ADCY10: variants seen among roughly 807,000 people sequenced by gnomAD.
ADCY10 encodes adenylate cyclase type 10.
A neutral mutation model predicts 183.3 loss-of-function variants in ADCY10; 156 were observed. The ratio of observed to expected loss-of-function variants is 0.85; its 90% CI spans 0.75 to 0.97. The LOEUF is 0.97. ADCY10 is among the 50% of genes least tolerant of loss of function. ADCY10 has a pLI of 0.00. For missense variants in ADCY10, 1,745 were observed against 1,934.3 expected (o/e 0.90, Z 1.84); for synonymous variants, 645 against 670.0 (o/e 0.96, Z 0.58).
chr1:167,858,497 CAAAAAAAAAAAA>C (rs57443879), intron 16 of ADCY10, among the ~76,000 whole-genome samples: 1 of 70,318 alleles, frequency 1.4e-5, no homozygotes, highest in Non-Finnish European at 2.6e-5. Context: ...GACTCTGTCT[CAAAAAAAAAAAA>C]AAAAAAAAAA....
chr1:167,846,686 C>G (rs1299154303), intron 19 of ADCY10, among the ~76,000 whole-genome samples: 1 of 152,184 alleles, frequency 6.6e-6, no homozygotes, highest in Non-Finnish European at 1.5e-5. Context: ...CTCCTAGAAA[C>G]TCCTGGTTTC....
At chr1:167,876,044 G>A (rs1171174035) in intron 12 of ADCY10, among the ~76,000 whole-genome samples, 2 of 152,250 alleles carry the variant, frequency 1.3e-5, no homozygotes, top group Non-Finnish European at 2.9e-5. Flanking sequence ...ATCATCTGAG[G>A]TCAGGAGTTT....
At chr1:167,872,507 A>C (rs867674218) in intron 13 of ADCY10, among the ~76,000 whole-genome samples, 28 of 151,996 alleles carry the variant, frequency 1.8e-4, no homozygotes, top group African/African-American at 6.5e-4. Context: ...AAATGCATGC[A>C]CCTTGTTTCT....
At chr1:167,893,236 T>C (rs1454737573) in intron 8 of ADCY10, among the ~76,000 whole-genome samples, 1 of 152,224 alleles carries the variant, frequency 6.6e-6, no homozygotes, top group Non-Finnish European at 1.5e-5. Flanking sequence ...GTCTTTCTGC[T>C]ATGTGGCATA....
chr1:167,866,459 T>C (rs1226468866), intron 14 of ADCY10, among the ~76,000 whole-genome samples: 2 of 148,602 alleles, frequency 1.3e-5, no homozygotes, highest in East Asian at 2.0e-4. Context: ...TTTTCATGAG[T>C]TGAAAGAAAA....
rs1273937558 is a variant in ADCY10, at chr1:167,896,583, G to A, written c.739+12C>T. On this transcript the variant is annotated intron_variant, in intron 7 of 32. Coordinates refer to ENST00000367851, the MANE Select transcript of ADCY10 (RefSeq NM_018417.6). ...GTAGAGGCAAAGGCATTTTTCCATG[G>A]TGGGTACTTACTTTTGTGCTCACCA... The A allele has an allele frequency of 3.1e-6, 5 of 1,595,602 alleles. No homozygotes were observed. Among genetic ancestry groups the A allele is most frequent in the Non-Finnish European group, 3.4e-6 (4 of 1,163,436 alleles).
At chr1:167,902,546 T>C (rs1259637696) in intron 3 of ADCY10, among the ~76,000 whole-genome samples, 3 of 152,254 alleles carry the variant, frequency 2.0e-5, no homozygotes, top group African/African-American at 7.2e-5. Context: ...CGGTATGGCA[T>C]AAATGGCCAT....
At chr1:167,846,463 C>T (rs1665035725) in intron 19 of ADCY10, among the ~76,000 whole-genome samples, 200 bp from the exon 20 acceptor site, 1 of 152,164 alleles carries the variant, frequency 6.6e-6, no homozygotes, top group South Asian at 2.1e-4. Context: ...AAGATGCAGG[C>T]TTATGGCCTA....
intron 1 of ADCY10, among the ~76,000 whole-genome samples, chr1:167,911,664 G>A (rs919318133): frequency 3.9e-5 from 6 of 152,264 alleles, no homozygotes; most frequent in East Asian, 1.9e-4. Flanking sequence ...GTGTACTCTC[G>A]TGGCAAAACT....
intron 1 of ADCY10, among the ~76,000 whole-genome samples, chr1:167,909,887 G>A (rs1432338554): frequency 6.6e-6 from 1 of 152,158 alleles, no homozygotes; most frequent in Non-Finnish European, 1.5e-5. Context: ...GGAAGTAAAA[G>A]CTGAAAAACA....
At chr1:167,816,121 T>C (rs1463269235) in intron 31 of ADCY10, among the ~76,000 whole-genome samples, 2 of 151,656 alleles carry the variant, frequency 1.3e-5, no homozygotes, top group East Asian at 3.9e-4. Flanking sequence ...CAAGAAAGAC[T>C]GAAATGTTTT....
At chr1:167,878,657 C>A in intron 11 of ADCY10, 22 bp from the exon 12 acceptor site, 1 of 1,609,758 alleles carries the variant, frequency 6.2e-7, no homozygotes, top group South Asian at 1.1e-5. Flanking sequence ...AAGAGAAAGT[C>A]AAAGATCAGG....
At chr1:167,907,258 C>T (rs1227495252) in intron 1 of ADCY10, among the ~76,000 whole-genome samples, 1 of 152,212 alleles carries the variant, frequency 6.6e-6, no homozygotes, top group Non-Finnish European at 1.5e-5. Context: ...CCAGAAAACA[C>T]AGACCAGTAA....
chr1:167,849,835 G>A (rs1378808345), intron 18 of ADCY10, among the ~76,000 whole-genome samples: 1 of 152,184 alleles, frequency 6.6e-6, no homozygotes, highest in East Asian at 1.9e-4. Flanking sequence ...AGCGGCAAGT[G>A]GAGGAGAGGC....
intron 14 of ADCY10, among the ~76,000 whole-genome samples, chr1:167,863,705 G>A (rs552527881): frequency 1.3e-5 from 2 of 152,366 alleles, no homozygotes; most frequent in South Asian, 4.1e-4. Flanking sequence ...GATCCTGAGA[G>A]CTCTCCTGGG....
intron 8 of ADCY10, among the ~76,000 whole-genome samples, chr1:167,886,058 A>G (rs1305349665): frequency 6.6e-6 from 1 of 152,236 alleles, no homozygotes; most frequent in Non-Finnish European, 1.5e-5. Context: ...GGACACAAAC[A>G]AATGGAAGAA....
intron 31 of ADCY10, among the ~76,000 whole-genome samples, chr1:167,813,189 T>TAC (rs1016980505): frequency 6.6e-6 from 1 of 152,100 alleles, no homozygotes; most frequent in African/African-American, 2.4e-5. Flanking sequence ...CTTAAAGAGA[T>TAC]ACACACTGAG....
At chr1:167,887,196 G>T (rs927156846) in intron 8 of ADCY10, among the ~76,000 whole-genome samples, 1 of 152,142 alleles carries the variant, frequency 6.6e-6, no homozygotes, top group Admixed American at 6.6e-5. Flanking sequence ...CCATTACTGG[G>T]TATGTACCCA....
chr1:167,863,786 T>G (rs1010739324), intron 14 of ADCY10, among the ~76,000 whole-genome samples: 18 of 152,226 alleles, frequency 1.2e-4, no homozygotes, highest in African/African-American at 3.9e-4. Context: ...ATCAACAGAG[T>G]GGCTGAACAC....
Sources: gnomAD v4.1 joint callset for allele counts (sites outside exome capture counted in the v4.1 genomes callset) on GRCh38, gnomAD v4.1.1 for gene constraint, MANE v1.5 for transcripts, NCBI Gene and HGNC (gene_info 2026-07-23, HGNC 2026-07-21) for gene names.